Variants in BEX4 observed in about 807,000 individuals in gnomAD.
BEX4 encodes brain expressed X-linked 4.
For missense variants in BEX4, 110 were observed against 96.5 expected (o/e 1.14, Z -0.59); for synonymous variants, 37 against 33.5 (o/e 1.11, Z -0.36).
At chrX:103,215,839 T>C (rs1412153655) in intron 2 of BEX4, 75 bp downstream of exon 2, 2 of 709,097 alleles carry the variant, frequency 2.8e-6, no homozygotes, top group African/African-American at 4.7e-5. Context: ...AATCCATGCC[T>C]TCACCCTCGC....
In BEX4 at chrX:103,216,212, A is replaced by G. The variant is rs775129946; in HGVS notation, c.59A>G (p.Glu20Gly). Reference protein sequence around the residue: ...NNLNGENAQQENEGGEQAPTQ... With the variant: ...NNLNGENAQQGNEGGEQAPTQ... ...CTCAACGGGGAAAATGCCCAACAAG[A>G]AAACGAAGGAGGGGAGCAGGCCCCC... The change falls in exon 3 of 3, where the codon GAA becomes GGA. Residue 20 changes from glutamate to glycine, a missense_variant. Coordinates refer to ENST00000372695, the MANE Select transcript of BEX4 (RefSeq NM_001080425.4). 2.0e-4 allele frequency: 228 copies of G among 1,152,793 alleles called. No homozygotes were observed. In the South Asian group the frequency reaches 4.6e-3, roughly 23 times the overall value.
Position 103,216,235 on chromosome X carries a change from C to G in BEX4, c.82C>G (p.Pro28Ala). The G allele has an allele frequency of 8.5e-7, 1 of 1,182,910 alleles. No individual in the cohort carries two copies. Among genetic ancestry groups the G allele is most frequent in the African/African-American group, 1.8e-5 (1 of 56,679 alleles). ...AGAAAACGAAGGAGGGGAGCAGGCC[C>G]CCACGCAGAATGAAGAAGAATCCCG... is the stretch of plus-strand genomic sequence containing the variant. ...QQENEGGEQA[P>A]TQNEEESRHL... The change falls in exon 3 of 3, where the codon CCC becomes GCC. Residue 28 changes from proline to alanine, a missense_variant. By Grantham distance (27) the Pro-to-Ala change is conservative. Coordinates refer to ENST00000372695, the MANE Select transcript of BEX4 (RefSeq NM_001080425.4).
intron 2 of BEX4, among the ~76,000 whole-genome samples, 185 bp from the exon 3 acceptor site, chrX:103,215,964 G>C (rs1407227997): frequency 9.0e-6 from 1 of 111,393 alleles, no homozygotes; most frequent in African/African-American, 3.3e-5. Context: ...TTTGCGGAAG[G>C]GAGGGGCTCG....
rs62623366 is a variant in BEX4, at chrX:103,216,307, C to T, written c.154C>T (p.Arg52Trp). ...EGQKPGGNIR[R>W]GRVRRLVPNF... is the part of the protein sequence containing the mutation. ...CCAGAAGCCTGGAGGAAATATCAGG[C>T]GGGGGCGAGTTAGGCGACTTGTCCC... The change falls in exon 3 of 3, where the codon CGG becomes TGG. Residue 52 changes from arginine to tryptophan, a missense_variant. Transcript: ENST00000372695. 205 of 1,207,723 alleles carry T rather than the reference C, an allele frequency of 1.7e-4. No individual in the cohort carries two copies. The highest frequency in any genetic ancestry group is 2.2e-4 in the Non-Finnish European group (194 of 894,139).
At position 103,217,063 on chromosome X, in the gene BEX4, ACT is replaced by A. The variant is rs10543427; in HGVS notation, c.*552_*553del. 0.075 allele frequency: 9,184 copies of A among 122,514 alleles called. 941 individuals carry two copies. The highest frequency in any genetic ancestry group is 0.29 in the African/African-American group (8,785 of 30,217). 10.1% of individuals were successfully genotyped at this position (122,514 alleles called of 1,213,427 possible). On this transcript the variant is annotated 3_prime_UTR_variant, in exon 3 of 3. Transcript: ENST00000372695. ...GCTCCAGAATCTCCATTTTTAACAA[ACT>A]CTCTTAAGTAATTCTGATGTGTACC... is the stretch of plus-strand genomic sequence containing the variant.
At position 103,216,192 on chromosome X, in the gene BEX4, C is replaced by A; in HGVS notation, c.39C>A (p.Asn13Lys). 1 of 1,147,515 alleles carries A rather than the reference C, an allele frequency of 8.7e-7. No homozygotes were observed. Among genetic ancestry groups the A allele is most frequent in the Non-Finnish European group, 1.2e-6 (1 of 866,179 alleles). 94.6% of individuals were successfully genotyped at this position (1,147,515 alleles called of 1,213,427 possible). Reference protein sequence around the residue: ...SKEELAANNLNGENAQQENEG... With the variant: ...SKEELAANNLKGENAQQENEG... ...AGGAACTAGCGGCAAACAATCTCAA[C>A]GGGGAAAATGCCCAACAAGAAAACG... Residue 13 changes from asparagine (N) to lysine (K), a missense_variant, in exon 3 of 3, where the codon AAC becomes AAA. Coordinates refer to ENST00000372695, the MANE Select transcript of BEX4 (RefSeq NM_001080425.4).
Position 103,216,675 on chromosome X carries a change from A to G in BEX4, c.*159A>G, listed in dbSNP as rs1266130205. ...ATTGTTTTGTCTCAGCCTAAAAGTT[A>G]CGGTCAGCATGGCAATTCACCTATT... On this transcript the variant is annotated 3_prime_UTR_variant, in exon 3 of 3. Transcript: ENST00000372695. The G allele has an allele frequency of 1.6e-6, 1 of 610,519 alleles. No homozygotes were observed. The highest frequency in any genetic ancestry group is 2.3e-5 in the African/African-American group (1 of 43,713). The allele number at this position is 610,519 out of a possible 1,213,427, so 50.3% of individuals were successfully genotyped here.
rs1924597650 is a variant in BEX4 at position 103,216,653 on chromosome X, G to A, written c.*137G>A. ...GAAATTAGAATTCTAATTGAATATT[G>A]TTTTGTCTCAGCCTAAAAGTTACGG... On this transcript the variant is annotated 3_prime_UTR_variant, in exon 3 of 3. Transcript: ENST00000372695. 14 of 763,990 alleles carry A rather than the reference G, an allele frequency of 1.8e-5. No individual in the cohort carries two copies. Among genetic ancestry groups the A allele is most frequent in the Non-Finnish European group, 2.6e-5 (14 of 540,451 alleles). The allele number at this position is 763,990 out of a possible 1,213,427, so 63.0% of individuals were successfully genotyped here.
chrX:103,215,389 G>A (rs1484880262), intron 1 of BEX4, among the ~76,000 whole-genome samples, 151 bp downstream of exon 1: 2 of 112,641 alleles, frequency 1.8e-5, no homozygotes, highest in Admixed American at 1.8e-4. Context: ...TCCTTGAGCG[G>A]AGAGGTGCCC....
In BEX4 at chrX:103,216,343, T is replaced by C. The variant is rs1276084300; in HGVS notation, c.190T>C (p.Trp64Arg). The C allele has an allele frequency of 2.5e-6, 3 of 1,209,281 alleles. No homozygotes were observed. Among genetic ancestry groups the C allele is most frequent in the Non-Finnish European group, 3.4e-6 (3 of 894,973 alleles). The change falls in exon 3 of 3, where the codon TGG becomes CGG. Residue 64 changes from tryptophan to arginine, a missense_variant. Transcript: ENST00000372695. Reference sequence around the variant, plus strand: ...TAGGCGACTTGTCCCTAATTTTCGATGGGCCATACCTAATAGGCATATTGA... The same window carrying C: ...TAGGCGACTTGTCCCTAATTTTCGACGGGCCATACCTAATAGGCATATTGA... ...RVRRLVPNFRWAIPNRHIEHN... is the reference protein window; with the variant it reads ...RVRRLVPNFRRAIPNRHIEHN...
rs1424736831 is a variant in BEX4 at position 103,216,265 on chromosome X, T to C, written c.112T>C (p.Leu38=). The C allele has an allele frequency of 8.4e-7, 1 of 1,196,187 alleles. No homozygotes were observed. The highest frequency in any genetic ancestry group is 1.1e-6 in the Non-Finnish European group (1 of 886,909). The change falls in exon 3 of 3, where the codon TTG becomes CTG. Residue 38 remains leucine, a synonymous_variant. Coordinates refer to ENST00000372695, the MANE Select transcript of BEX4 (RefSeq NM_001080425.4). ...PTQNEEESRH[L]GGGEGQKPGG... The stretch of plus-strand genomic sequence containing the variant: ...GCAGAATGAAGAAGAATCCCGCCAT[T>C]TGGGAGGGGGTGAAGGCCAGAAGCC...
At position 103,215,231 on chromosome X, in the gene BEX4, G is replaced by A; in HGVS notation, c.-96G>A. On this transcript the variant is annotated 5_prime_UTR_variant, in exon 1 of 3. Coordinates refer to ENST00000372695, the MANE Select transcript of BEX4 (RefSeq NM_001080425.4). Reference sequence around the variant, plus strand: ...CGGCCCCGAAATTAGGAAGCGGAGGGGGAGCAGGTAAGGAACCCGGCGGGG... The same window carrying A: ...CGGCCCCGAAATTAGGAAGCGGAGGAGGAGCAGGTAAGGAACCCGGCGGGG... 3 of 755,969 alleles carry A rather than the reference G, an allele frequency of 4.0e-6. No individual in the cohort carries two copies. Among genetic ancestry groups the A allele is most frequent in the Non-Finnish European group, 4.7e-6 (3 of 640,266 alleles). The allele number at this position is 755,969 out of a possible 1,213,427, so 62.3% of individuals were successfully genotyped here. A position where few individuals can be genotyped will look rare whatever the true frequency, so the allele number is the denominator to read the frequency against.
In BEX4 at chrX:103,216,423, C is replaced by G; in HGVS notation, c.270C>G (p.Ile90Met). The G allele has an allele frequency of 8.3e-7, 1 of 1,211,672 alleles. No individual in the cohort carries two copies. Residue 90 changes from isoleucine (I) to methionine (M), a missense_variant, in exon 3 of 3, where the codon ATC becomes ATG. Ile to Met is a conservative substitution (Grantham distance 10). Coordinates refer to ENST00000372695, the MANE Select transcript of BEX4 (RefSeq NM_001080425.4). ...GGTTTGTAGGGCAGATGATGGAAATCAAGAGAAAGACTAGGGAACAGCAGA... is the reference window on the plus strand; with the variant it reads ...GGTTTGTAGGGCAGATGATGGAAATGAAGAGAAAGACTAGGGAACAGCAGA... ...VERFVGQMME[I>M]KRKTREQQMR...
In BEX4 at chrX:103,217,123, C is replaced by T. The variant is rs1341779254; in HGVS notation, c.*607C>T. On this transcript the variant is annotated 3_prime_UTR_variant, in exon 3 of 3. Coordinates refer to ENST00000372695, the MANE Select transcript of BEX4 (RefSeq NM_001080425.4). ...GTGCCATTGGTGTGTGTGTACGTAA[C>T]TATATACATATGTGTGTGTGTGTAT... The T allele has an allele frequency of 8.2e-6, 1 of 121,559 alleles. No individual in the cohort carries two copies. The highest frequency in any genetic ancestry group is 1.9e-5 in the Non-Finnish European group (1 of 53,253). The allele number at this position is 121,559 out of a possible 1,213,427, so 10.0% of individuals were successfully genotyped here. A position where few individuals can be genotyped will look rare whatever the true frequency, so the allele number is the denominator to read the frequency against.
chrX:103,216,658 G>T lies in BEX4; in HGVS notation c.*142G>T, dbSNP rs1602941430. The T allele has an allele frequency of 2.7e-6, 2 of 737,018 alleles. No homozygotes were observed. The highest frequency in any genetic ancestry group is 4.3e-5 in the African/African-American group (2 of 46,664). 60.7% of individuals were successfully genotyped at this position (737,018 alleles called of 1,213,427 possible). Reference sequence around the variant, plus strand: ...TAGAATTCTAATTGAATATTGTTTTGTCTCAGCCTAAAAGTTACGGTCAGC... The same window carrying T: ...TAGAATTCTAATTGAATATTGTTTTTTCTCAGCCTAAAAGTTACGGTCAGC... On this transcript the variant is annotated 3_prime_UTR_variant, in exon 3 of 3. Coordinates refer to ENST00000372695, the MANE Select transcript of BEX4 (RefSeq NM_001080425.4).
At position 103,216,931 on chromosome X, in the gene BEX4, T is replaced by C. The variant is rs41311733; in HGVS notation, c.*415T>C. The C allele has an allele frequency of 0.011, 1,359 of 125,353 alleles. 7 individuals carry two copies. The highest frequency in any genetic ancestry group is 0.018 in the Non-Finnish European group (969 of 54,876). The allele number at this position is 125,353 out of a possible 1,213,427, so 10.3% of individuals were successfully genotyped here. On this transcript the variant is annotated 3_prime_UTR_variant, in exon 3 of 3. Coordinates refer to ENST00000372695, the MANE Select transcript of BEX4 (RefSeq NM_001080425.4). ...CAATGTTTGATATTTTAAGAATGTA[T>C]GTTCTAGTGTTTTTCAGAGTGAGTC...
Position 103,215,120 on chromosome X carries a change from G to C in BEX4, c.-207G>C. Reference sequence around the variant, plus strand: ...ACCGGCCAACACTGAGTGTTGTCTCGCTCTGGCGTCAGAGCCGTCGTGGCT... The same window carrying C: ...ACCGGCCAACACTGAGTGTTGTCTCCCTCTGGCGTCAGAGCCGTCGTGGCT... On this transcript the variant is annotated 5_prime_UTR_variant, in exon 1 of 3. Transcript: ENST00000372695. 1.3e-6 allele frequency: 1 copy of C among 754,424 alleles called. No individual in the cohort carries two copies. The highest frequency in any genetic ancestry group is 1.6e-6 in the Non-Finnish European group (1 of 639,413). 62.2% of individuals were successfully genotyped at this position (754,424 alleles called of 1,213,427 possible). A position where few individuals can be genotyped will look rare whatever the true frequency, so the allele number is the denominator to read the frequency against.
At position 103,216,546 on chromosome X, in the gene BEX4, G is replaced by T; in HGVS notation, c.*30G>T. ...TAAAAGTTTTCGCTGAGGTTAATGT[G>T]AACACTGCTTTACAAGCTTGTATTT... On this transcript the variant is annotated 3_prime_UTR_variant, in exon 3 of 3. Coordinates refer to ENST00000372695, the MANE Select transcript of BEX4 (RefSeq NM_001080425.4). 8.6e-7 allele frequency: 1 copy of T among 1,162,355 alleles called. No individual in the cohort carries two copies. Among genetic ancestry groups the T allele is most frequent in the South Asian group, 2.1e-5 (1 of 47,581 alleles).
At chrX:103,215,657 G>T (rs1191160737) in intron 1 of BEX4, 25 bp from the exon 2 acceptor site, 3 of 860,773 alleles carry the variant, frequency 3.5e-6, no homozygotes, top group African/African-American at 2.2e-5. Flanking sequence ...TGCTGCAGCA[G>T]CCCCCACTTC....
Sources: allele counts gnomAD v4.1 joint callset (sites outside exome capture counted in the v4.1 genomes callset), GRCh38; gene constraint gnomAD v4.1.1; transcripts MANE v1.5; gene names NCBI Gene and HGNC (gene_info 2026-07-23, HGNC 2026-07-21).